FCN2: variants seen among roughly 807,000 people sequenced by gnomAD.
FCN2 encodes ficolin-2.
In FCN2, 31 loss-of-function variants were observed where a neutral mutation model predicts 32.5. That is an observed-to-expected ratio of 0.96 (90% CI 0.72 to 1.29). The LOEUF (loss-of-function observed/expected upper bound fraction) is 1.29. Among genes scored for constraint, FCN2 ranks in the 50% most tolerant of loss-of-function variants. The probability of loss-of-function intolerance (pLI) is 0.00; values close to 1 mark genes in which losing one functional copy is unlikely to be tolerated. For missense variants in FCN2, 412 were observed against 406.5 expected (o/e 1.01, Z -0.12); for synonymous variants, 181 against 164.5 (o/e 1.10, Z -0.77).
intron 2 of FCN2, 44 bp downstream of exon 2, chr9:134,882,683 G>A: frequency 7.3e-7 from 1 of 1,372,286 alleles, no homozygotes; most frequent in Non-Finnish European, 1.0e-6. Flanking sequence ...TGCTCTTTTT[G>A]AAACCAGATG....
chr9:134,885,808 G>C lies in FCN2; in HGVS notation c.470G>C (p.Arg157Pro). The C allele has an allele frequency of 3.7e-6, 6 of 1,613,976 alleles. No homozygotes were observed. Among genetic ancestry groups the C allele is most frequent in the Non-Finnish European group, 5.1e-6 (6 of 1,179,972 alleles). ...RRVDGSVDFY[R>P]DWATYKQGFG... ...GTGGATGGCTCTGTGGACTTCTACCGGGACTGGGCCACGTACAAGCAGGGC... is the reference window on the plus strand; with the variant it reads ...GTGGATGGCTCTGTGGACTTCTACCCGGACTGGGCCACGTACAAGCAGGGC... The change falls in exon 6 of 8, where the codon CGG (arginine) becomes CCG (proline). Residue 157 changes from arginine (R) to proline (P), a missense_variant. Arg to Pro is a moderately radical substitution (Grantham distance 103, BLOSUM62 -2). Transcript: ENST00000291744.
chr9:134,884,365 C>T (rs1830711943), intron 3 of FCN2, among the ~76,000 whole-genome samples: 1 of 152,124 alleles, frequency 6.6e-6, no homozygotes, highest in Non-Finnish European at 1.5e-5. Context: ...GGTGCCCACA[C>T]CGCAAACAAC....
chr9:134,879,461 G>A (rs1325142799), upstream of FCN2, among the ~76,000 whole-genome samples: 1 of 152,122 alleles, frequency 6.6e-6, no homozygotes, highest in Non-Finnish European at 1.5e-5. Context: ...TTGGCTGCTG[G>A]GGTTTCACTG....
At chr9:134,868,723 G>T in the FCN2 span, among the ~76,000 whole-genome samples, 42 of 152,314 alleles carry the variant, frequency 2.8e-4, no homozygotes, top group Non-Finnish European at 5.3e-4. The surrounding 1 kb of genome is among the most constrained non-coding windows in gnomAD (Gnocchi z 4.3). Flanking sequence ...ATCAGTGCTT[G>T]CTTGCCTCAC....
At chr9:134,879,687 C>A (rs1436801268), upstream of FCN2, among the ~76,000 whole-genome samples, 2 of 152,158 alleles carry the variant, frequency 1.3e-5, no homozygotes, top group African/African-American at 2.4e-5. Flanking sequence ...CTTAACTAGT[C>A]ATAGTCTCAG....
At position 134,881,233 on chromosome 9, in the gene FCN2, A is replaced by C. The variant is rs533530740; in HGVS notation, c.100+312A>C. ...AGTCATGGTGTTGTGTGGGGAGGTGAGGCTTGTGGTGCCAGCTGGGTAGAC... is the reference window on the plus strand; with the variant it reads ...AGTCATGGTGTTGTGTGGGGAGGTGCGGCTTGTGGTGCCAGCTGGGTAGAC... On this transcript the variant is annotated intron_variant, in intron 1 of 7. Coordinates refer to ENST00000291744, the MANE Select transcript of FCN2 (RefSeq NM_004108.3). Among the ~76,000 whole-genome samples the C allele has an allele frequency of 3.3e-5, 5 of 152,278 alleles. No individual in the cohort carries two copies. The East Asian group carries it at 9.7e-4, about 29-fold the overall frequency.
Position 134,883,189 on chromosome 9 carries a change from A to G in FCN2, c.215-113A>G, listed in dbSNP as rs908955933. On this transcript the variant is annotated intron_variant, in intron 2 of 7. Coordinates refer to ENST00000291744, the MANE Select transcript of FCN2 (RefSeq NM_004108.3). ...CTGGGCGGGGCCACAGTCACGTCGT[A>G]GCACGAGCAGGGTCATGGTCATGAT... is the stretch of plus-strand genomic sequence containing the variant. 3.7e-5 allele frequency: 35 copies of G among 938,244 alleles called. No homozygotes were observed. In the African/African-American group the frequency reaches 5.0e-4, roughly 13 times the overall value. The allele number at this position is 938,244 out of a possible 1,614,324, so 58.1% of individuals were successfully genotyped here. A position where few individuals can be genotyped will look rare whatever the true frequency, so the allele number is the denominator to read the frequency against.
Position 134,880,898 on chromosome 9 carries a change from T to C in FCN2, c.77T>C (p.Leu26Pro), listed in dbSNP as rs1382560401. 1.2e-6 allele frequency: 2 copies of C among 1,612,904 alleles called. No homozygotes were observed. Among genetic ancestry groups the C allele is most frequent in the African/African-American group, 1.3e-5 (1 of 74,918 alleles). Residue 26 changes from leucine (L) to proline (P), a missense_variant, in exon 1 of 8, where the codon CTC becomes CCC. Leu to Pro is a moderately conservative substitution (Grantham distance 98). Transcript: ENST00000291744. Reference sequence around the variant, plus strand: ...TCTTTCCTGGGCATGGCCTGGGCTCTCCAGGCGGCAGACACCTGTCCAGGT... The same window carrying C: ...TCTTTCCTGGGCATGGCCTGGGCTCCCCAGGCGGCAGACACCTGTCCAGGT... ...LLSFLGMAWA[L>P]QAADTCPEVK...
chr9:134,880,758 A>T (rs7865453), upstream of FCN2: 57 of 1,297,506 alleles, frequency 4.4e-5, no homozygotes, highest in Admixed American at 7.1e-5. Context: ...TTGGAGTCTG[A>T]GGGAGGCTGG....
the FCN2 span, among the ~76,000 whole-genome samples, chr9:134,864,414 G>A: frequency 2.6e-5 from 4 of 152,174 alleles, no homozygotes; most frequent in African/African-American, 4.8e-5. Context: ...GGAAGACAGC[G>A]GCCCTGAGGC....
chr9:134,871,338 G>A, the FCN2 span, among the ~76,000 whole-genome samples: 3 of 152,166 alleles, frequency 2.0e-5, no homozygotes, highest in Non-Finnish European at 4.4e-5. Context: ...GCCACTGTTT[G>A]GGCTGTCCCT....
chr9:134,872,910 C>T, the FCN2 span, among the ~76,000 whole-genome samples: 2 of 152,178 alleles, frequency 1.3e-5, no homozygotes, highest in South Asian at 2.1e-4. Flanking sequence ...GCAAGAGAAG[C>T]GGGTCCTCCA....
chr9:134,885,876 A>T lies in FCN2; in HGVS notation c.538A>T (p.Ile180Phe). The change falls in exon 6 of 8, where the codon ATC becomes TTC. Residue 180 changes from isoleucine (I) to phenylalanine (F), a missense_variant. Coordinates refer to ENST00000291744, the MANE Select transcript of FCN2 (RefSeq NM_004108.3). The stretch of plus-strand genomic sequence containing the variant: ...GGAGTTCTGGCTGGGGAATGACAAC[A>T]TCCACGCCCTGACCGCCCAGGGTAG... ...LGEFWLGNDN[I>F]HALTAQGTSE... is the part of the protein sequence containing the mutation. 1 of 1,612,948 alleles carries T rather than the reference A, an allele frequency of 6.2e-7. No individual in the cohort carries two copies.
chr9:134,885,123 C>A, intron 4 of FCN2, 116 bp from the exon 5 acceptor site: 1 of 1,425,480 alleles, frequency 7.0e-7, no homozygotes. Context: ...CTCAGAGTCC[C>A]GCTCTGTTCA....
the FCN2 span, among the ~76,000 whole-genome samples, chr9:134,870,549 CG>C: frequency 6.6e-6 from 1 of 152,106 alleles, no homozygotes; most frequent in East Asian, 1.9e-4. The surrounding 1 kb of genome is among the most constrained non-coding windows in gnomAD (Gnocchi z 4.3). Flanking sequence ...TAAGTGCCCT[CG>C]GGGGGTGCCC....
At chr9:134,872,578 T>C in the FCN2 span, among the ~76,000 whole-genome samples, 10 of 152,144 alleles carry the variant, frequency 6.6e-5, no homozygotes, top group African/African-American at 2.4e-4. Flanking sequence ...GGCCTCACCA[T>C]CATCGCAGAA....
intron 4 of FCN2, among the ~76,000 whole-genome samples, 190 bp downstream of exon 4, chr9:134,884,962 C>A (rs965754834): frequency 1.3e-5 from 2 of 152,240 alleles, no homozygotes; most frequent in Non-Finnish European, 2.9e-5. Context: ...ACATACACTC[C>A]ATGGCAATTT....
At position 134,886,512 on chromosome 9, in the gene FCN2, C is replaced by T. The variant is rs142072878; in HGVS notation, c.642C>T (p.Asp214=). 35 of 1,614,124 alleles carry T rather than the reference C, an allele frequency of 2.2e-5. No individual in the cohort carries two copies. The highest frequency in any genetic ancestry group is 1.7e-4 in the African/African-American group (13 of 75,024). ...AGTACAGATCATTCAAGGTGGCCGA[C>T]GAGGCGGAGAAGTACAATCTGGTCC... ...FAKYRSFKVA[D]EAEKYNLVLG... Residue 214 remains aspartate (D), a synonymous_variant, in exon 7 of 8, where the codon GAC becomes GAT. Transcript: ENST00000291744.
At chr9:134,871,616 C>T in the FCN2 span, among the ~76,000 whole-genome samples, 6 of 152,274 alleles carry the variant, frequency 3.9e-5, no homozygotes, top group East Asian at 1.9e-4. Flanking sequence ...GCTCCCTGCC[C>T]GGCCCCTGCC....
Sources: gnomAD v4.1 joint callset for allele counts (sites outside exome capture counted in the v4.1 genomes callset) on GRCh38, gnomAD v4.1.1 for gene constraint, Gnocchi (gnomAD v3.1) non-coding constraint, MANE v1.5 for transcripts, NCBI Gene and HGNC (gene_info 2026-07-23, HGNC 2026-07-21) for gene names.